Variants in PTPRR observed in about 807,000 individuals in gnomAD.
PTPRR encodes the protein receptor-type tyrosine-protein phosphatase R.
PTPRR carries 38 observed loss-of-function variants against 77.2 expected under a neutral mutation model. That is an observed-to-expected ratio of 0.49 (90% CI 0.38 to 0.65). The LOEUF is 0.65. PTPRR is among the 30% of genes least tolerant of loss of function. PTPRR has a pLI of 0.00. For synonymous variants in PTPRR, 299 were observed against 283.1 expected (o/e 1.06, Z -0.57); for missense variants, 744 against 799.2 (o/e 0.93, Z 0.83).
intron 2 of PTPRR, among the ~76,000 whole-genome samples, chr12:70,848,245 A>G (rs781266840): frequency 6.6e-6 from 1 of 152,178 alleles, no homozygotes; most frequent in Non-Finnish European, 1.5e-5. Flanking sequence ...TCCATTTGCA[A>G]TAGTTATCCG....
chr12:70,809,819 C>T (rs1012121555), intron 2 of PTPRR, among the ~76,000 whole-genome samples: 1 of 152,092 alleles, frequency 6.6e-6, no homozygotes, highest in Non-Finnish European at 1.5e-5. Flanking sequence ...CTAAACATGA[C>T]CACTAAATAA....
chr12:70,705,734 G>A (rs1464584082), intron 6 of PTPRR, among the ~76,000 whole-genome samples: 1 of 149,506 alleles, frequency 6.7e-6, no homozygotes, highest in Non-Finnish European at 1.5e-5. Flanking sequence ...TTTTTTTTTT[G>A]GTTCTGTGAA....
At chr12:70,837,560 T>G (rs1248845912) in intron 2 of PTPRR, among the ~76,000 whole-genome samples, 1 of 152,064 alleles carries the variant, frequency 6.6e-6, no homozygotes, top group Non-Finnish European at 1.5e-5. Context: ...TACTTGTTTA[T>G]TATAAAAGGT....
At chr12:70,672,699 G>A (rs1260780653) in intron 10 of PTPRR, 17 of 1,545,002 alleles carry the variant, frequency 1.1e-5, no homozygotes, top group African/African-American at 6.9e-5. Flanking sequence ...AGCGGATAGC[G>A]TGGGTCTCCC....
chr12:70,692,417 AT>A (rs910844512), intron 8 of PTPRR, among the ~76,000 whole-genome samples: 5 of 152,146 alleles, frequency 3.3e-5, no homozygotes, highest in Non-Finnish European at 7.3e-5. Context: ...TAAAGTTTTA[AT>A]TTTATTTAAT....
intron 4 of PTPRR, among the ~76,000 whole-genome samples, chr12:70,760,367 G>C (rs1487224433): frequency 6.6e-6 from 1 of 152,138 alleles, no homozygotes; most frequent in African/African-American, 2.4e-5. Flanking sequence ...TGCTGCCTCA[G>C]CCTCCCCAGT....
In PTPRR at chr12:70,692,083, T is replaced by C. The variant is rs115835698; in HGVS notation, c.1279+6182A>G. ...AAAGAGGTTAGTACCCAAATAAATA[T>C]GGGAAACATTGGGTTAAACAAATCT... is the stretch of plus-strand genomic sequence containing the variant. On this transcript the variant is annotated intron_variant, in intron 8 of 13. Coordinates refer to ENST00000283228, the MANE Select transcript of PTPRR (RefSeq NM_002849.4). Among the ~76,000 whole-genome samples, 527 of 152,276 alleles carry C rather than the reference T, an allele frequency of 3.5e-3. 3 individuals carry two copies. Among genetic ancestry groups the C allele is most frequent in the African/African-American group, 0.012 (479 of 41,572 alleles).
intron 6 of PTPRR, among the ~76,000 whole-genome samples, chr12:70,703,449 T>C (rs1167706185): frequency 6.6e-6 from 1 of 152,126 alleles, no homozygotes; most frequent in East Asian, 1.9e-4. Flanking sequence ...TGGTTTTTGG[T>C]GGTGGTTGAT....
intron 2 of PTPRR, among the ~76,000 whole-genome samples, chr12:70,826,037 G>T (rs1456648470): frequency 6.6e-6 from 1 of 152,098 alleles, no homozygotes; most frequent in African/African-American, 2.4e-5. Context: ...TATGACAGGG[G>T]ATTTTAAACA....
intron 10 of PTPRR, chr12:70,664,346 T>G (rs1401972111): frequency 1.3e-5 from 2 of 152,206 alleles, no homozygotes; most frequent in Non-Finnish European, 2.9e-5. Context: ...TTTGCCTGGT[T>G]TCTTTCAATG....
chr12:70,901,393 A>T (rs1299974064), intron 1 of PTPRR, among the ~76,000 whole-genome samples: 1 of 151,734 alleles, frequency 6.6e-6, no homozygotes, highest in East Asian at 1.9e-4. Context: ...AGAGCATGGT[A>T]CTGCTATAAA....
intron 6 of PTPRR, among the ~76,000 whole-genome samples, chr12:70,724,173 T>C (rs1889354924): frequency 6.6e-6 from 1 of 152,212 alleles, no homozygotes; most frequent in South Asian, 2.1e-4. Context: ...CAAAATGTAT[T>C]CATTCATTTT....
At position 70,892,966 on chromosome 12, in the gene PTPRR, C is replaced by G. The variant is rs1893364900; in HGVS notation, c.70G>C (p.Gly24Arg). The G allele has an allele frequency of 6.2e-7, 1 of 1,612,174 alleles. No individual in the cohort carries two copies. The highest frequency in any genetic ancestry group is 1.3e-5 in the African/African-American group (1 of 74,724). ...ATTGCCAAAAAATGATCATTGTTTC[C>G]TGAAAAGCACCCTGAAAGAGGGAAG... ...LNLHAAGCFS[G>R]NNDHFLAINQ... The change falls in exon 2 of 14, where the codon GGA (glycine) becomes CGA (arginine). Residue 24 changes from glycine to arginine, a missense_variant. Physicochemically the swap from Gly to Arg is moderately radical, Grantham distance 125. This residue lies in a region of PTPRR where 570 missense variants were observed against 573.2 expected (regional missense o/e 0.99). Coordinates refer to ENST00000283228, the MANE Select transcript of PTPRR (RefSeq NM_002849.4).
chr12:70,642,556 C>T (rs1181981362), intron 13 of PTPRR, among the ~76,000 whole-genome samples: 6 of 152,066 alleles, frequency 3.9e-5, no homozygotes, highest in Non-Finnish European at 2.9e-5. Flanking sequence ...ACTATCTAAT[C>T]CCATTCTATA....
intron 13 of PTPRR, among the ~76,000 whole-genome samples, chr12:70,641,479 G>A (rs1405047186): frequency 6.6e-6 from 1 of 152,166 alleles, no homozygotes; most frequent in African/African-American, 2.4e-5. Context: ...TTAATGGTTG[G>A]AGTATATTTA....
rs1006154335 is a variant in PTPRR, at chr12:70,904,571, T to C, written c.59-11594A>G. ...GGAGACAAAAAGATAGTAGGAAGTTTTTTTGTGGTGAGCGAACTATTCTGT... is the reference window on the plus strand; with the variant it reads ...GGAGACAAAAAGATAGTAGGAAGTTCTTTTGTGGTGAGCGAACTATTCTGT... On this transcript the variant is annotated intron_variant, in intron 1 of 13. Coordinates refer to ENST00000283228, the MANE Select transcript of PTPRR (RefSeq NM_002849.4). 9.8e-4 allele frequency among the ~76,000 whole-genome samples: 149 copies of C among 152,046 alleles called. 2 individuals carry two copies. The highest frequency in any genetic ancestry group is 6.2e-4 in the South Asian group (3 of 4,824).
At chr12:70,807,049 A>T (rs575207983) in intron 2 of PTPRR, among the ~76,000 whole-genome samples, 39 of 152,286 alleles carry the variant, frequency 2.6e-4, no homozygotes, top group African/African-American at 8.7e-4. Context: ...AGGAAAGCTT[A>T]TGTTTCCTTA....
At chr12:70,884,122 G>C (rs1893194753) in intron 2 of PTPRR, among the ~76,000 whole-genome samples, 1 of 152,122 alleles carries the variant, frequency 6.6e-6, no homozygotes, top group Admixed American at 6.5e-5. Flanking sequence ...GAACCTTCTA[G>C]GGACTTTTAG....
At chr12:70,769,780 C>T (rs926532478) in intron 2 of PTPRR, among the ~76,000 whole-genome samples, 10 of 151,872 alleles carry the variant, frequency 6.6e-5, no homozygotes, top group Admixed American at 4.6e-4. Context: ...CTACAGTAAA[C>T]AAAACAGCAT....
Sources: gnomAD v4.1 joint callset for allele counts (sites outside exome capture counted in the v4.1 genomes callset) on GRCh38, gnomAD v4.1.1 for gene constraint, gnomAD v4.1.1 regional missense constraint, MANE v1.5 for transcripts, NCBI Gene and HGNC (gene_info 2026-07-23, HGNC 2026-07-21) for gene names.